NFIB: variants seen among roughly 807,000 people sequenced by gnomAD.
The protein encoded by NFIB is nuclear factor 1 B-type.
A neutral mutation model predicts 61.5 loss-of-function variants in NFIB; 11 were observed. The ratio of observed to expected loss-of-function variants is 0.18; its 90% confidence interval spans 0.11 to 0.30. The LOEUF (loss-of-function observed/expected upper bound fraction) is 0.30. Ranked by LOEUF, NFIB falls within the 10% of genes least tolerant of loss-of-function variation. NFIB has a pLI of 1.00. For missense variants in NFIB, 471 were observed against 608.9 expected, an observed-to-expected ratio of 0.77 and a Z score of 2.38; for synonymous variants, 260 against 216.5, an observed-to-expected ratio of 1.20 and a Z score of -1.76.
intron 2 of NFIB, among the ~76,000 whole-genome samples, chr9:14,186,648 C>G (rs1266326112): frequency 1.3e-5 from 2 of 152,068 alleles, no homozygotes; most frequent in African/African-American, 4.8e-5. Context: ...CTTCCCCTCT[C>G]TCTGCCCAAA....
chr9:14,366,817 A>G (rs2061305802), intron 1 of NFIB, among the ~76,000 whole-genome samples: 1 of 152,142 alleles, frequency 6.6e-6, no homozygotes, highest in Non-Finnish European at 1.5e-5. Context: ...TTTCCCAAAA[A>G]ATCTGTCAGA....
chr9:14,088,898 A>G (rs2033328376), intron 10 of NFIB, among the ~76,000 whole-genome samples: 1 of 152,204 alleles, frequency 6.6e-6, no homozygotes, highest in Non-Finnish European at 1.5e-5. Context: ...ATAACATACA[A>G]TTTGAAATGC....
At chr9:14,436,262 T>C in the NFIB span, among the ~76,000 whole-genome samples, 1 of 152,204 alleles carries the variant, frequency 6.6e-6, no homozygotes, top group South Asian at 2.1e-4. Context: ...ATCCCTGCCA[T>C]ATGCCTGGAA....
At chr9:14,526,160 A>C in the NFIB span, among the ~76,000 whole-genome samples, 1 of 152,136 alleles carries the variant, frequency 6.6e-6, no homozygotes, top group African/African-American at 2.4e-5. Context: ...ATTATGTTCT[A>C]ACCTCAGAAA....
the NFIB span, among the ~76,000 whole-genome samples, chr9:14,488,124 T>C: frequency 6.6e-6 from 1 of 152,184 alleles, no homozygotes; most frequent in East Asian, 1.9e-4. Context: ...GTGTCTGTAA[T>C]CCCCGCACTT....
chr9:14,271,175 C>T (rs922458176), intron 2 of NFIB, among the ~76,000 whole-genome samples: 5 of 141,182 alleles, frequency 3.5e-5, no homozygotes, highest in African/African-American at 1.3e-4. Context: ...CTCCCCCTCT[C>T]CCCCTAACCT....
At chr9:14,521,474 T>C in the NFIB span, among the ~76,000 whole-genome samples, 1 of 152,194 alleles carries the variant, frequency 6.6e-6, no homozygotes, top group Non-Finnish European at 1.5e-5. Context: ...TTAAACTCCC[T>C]GGGCCTCAGT....
chr9:14,480,433 A>T, the NFIB span, among the ~76,000 whole-genome samples: 1 of 152,128 alleles, frequency 6.6e-6, no homozygotes, highest in African/African-American at 2.4e-5. Flanking sequence ...AACTTGAGAG[A>T]TTTCCTTGAT....
At chr9:14,460,157 G>T in the NFIB span, among the ~76,000 whole-genome samples, 2 of 152,120 alleles carry the variant, frequency 1.3e-5, no homozygotes, top group African/African-American at 4.8e-5. Flanking sequence ...AGAAAATGTG[G>T]CACATATACA....
intron 1 of NFIB, among the ~76,000 whole-genome samples, chr9:14,351,144 A>C (rs1042062933): frequency 3.3e-5 from 5 of 152,152 alleles, no homozygotes; most frequent in African/African-American, 9.7e-5. Context: ...AAGCAGGGAG[A>C]GGATCATGTT....
chr9:14,158,419 G>C (rs949739456), intron 3 of NFIB, among the ~76,000 whole-genome samples: 9 of 152,148 alleles, frequency 5.9e-5, no homozygotes, highest in Non-Finnish European at 1.0e-4. Flanking sequence ...ATAGCACCTA[G>C]TTTGTACTAA....
chr9:14,155,077 C>G (rs957459159), intron 4 of NFIB, among the ~76,000 whole-genome samples: 1 of 152,096 alleles, frequency 6.6e-6, no homozygotes, highest in Non-Finnish European at 1.5e-5. Context: ...TTCAAAGTTA[C>G]ATAAATAAGC....
chr9:14,153,348 G>GC (rs1190784390), intron 4 of NFIB, among the ~76,000 whole-genome samples: 1 of 152,058 alleles, frequency 6.6e-6, no homozygotes, highest in African/African-American at 2.4e-5. Flanking sequence ...TGTGGGAACA[G>GC]CAAGTCTCAG....
chr9:14,207,411 T>C (rs1024745190), intron 2 of NFIB, among the ~76,000 whole-genome samples: 1 of 132,702 alleles, frequency 7.5e-6, no homozygotes, highest in Non-Finnish European at 1.7e-5. Context: ...TGGAGGCCAC[T>C]GACTGTGGGG....
chr9:14,318,733 T>C (rs1358077564), upstream of NFIB, among the ~76,000 whole-genome samples: 1 of 152,088 alleles, frequency 6.6e-6, no homozygotes, highest in African/African-American at 2.4e-5. Flanking sequence ...ATCATACATG[T>C]GTAGTCTGGA....
chr9:14,336,088 T>C (rs1487301676), intron 1 of NFIB, among the ~76,000 whole-genome samples: 2 of 152,244 alleles, frequency 1.3e-5, no homozygotes, highest in East Asian at 3.8e-4. Context: ...TTATAAGAAG[T>C]CTTGAAATCA....
intron 1 of NFIB, among the ~76,000 whole-genome samples, chr9:14,346,315 A>G (rs1352234479): frequency 8.2e-6 from 1 of 122,626 alleles, no homozygotes; most frequent in Non-Finnish European, 1.8e-5. Context: ...CCTGAGCTAA[A>G]GGTAAAGGTG....
the NFIB span, among the ~76,000 whole-genome samples, chr9:14,461,900 G>C: frequency 6.6e-6 from 1 of 152,216 alleles, no homozygotes; most frequent in African/African-American, 2.4e-5. Flanking sequence ...AGAGCAACCA[G>C]GGAATAGCAA....
intron 2 of NFIB, among the ~76,000 whole-genome samples, chr9:14,271,404 CTG>C (rs1485079793): frequency 3.3e-5 from 5 of 152,140 alleles, no homozygotes; most frequent in Non-Finnish European, 5.9e-5. Flanking sequence ...TTTAGAAAAA[CTG>C]TGCAGCTATT....
Sources: allele counts gnomAD v4.1 joint callset (sites outside exome capture counted in the v4.1 genomes callset), GRCh38; gene constraint gnomAD v4.1.1; transcripts MANE v1.5; gene names NCBI Gene and HGNC (gene_info 2026-07-23, HGNC 2026-07-21).